Variants in GABRG1 observed in about 807,000 individuals in gnomAD.
The protein encoded by GABRG1 is gamma-aminobutyric acid receptor subunit gamma-1.
In GABRG1, 49 loss-of-function variants were observed where a neutral mutation model predicts 49.8. That is an observed-to-expected ratio of 0.98 (90% confidence interval 0.78 to 1.25). The LOEUF (loss-of-function observed/expected upper bound fraction) is 1.25, where lower values mean the gene tolerates loss of function less well. GABRG1 is among the 50% of genes most tolerant of loss of function. The pLI, the probability that GABRG1 is intolerant of heterozygous loss-of-function variation, is 0.00. For missense variants in GABRG1, 552 were observed against 552.3 expected (o/e 1.00, Z 0.01); for synonymous variants, 232 against 185.1 (o/e 1.25, Z -2.06).
intron 3 of GABRG1, among the ~76,000 whole-genome samples, chr4:46,082,703 T>A (rs1719620157): frequency 6.6e-6 from 1 of 151,648 alleles, no homozygotes; most frequent in Admixed American, 6.6e-5. Context: ...TTGTAACTCA[T>A]TATCATTCCC....
intron 1 of GABRG1, among the ~76,000 whole-genome samples, chr4:46,109,430 A>G (rs1720653495): frequency 6.6e-6 from 1 of 150,666 alleles, no homozygotes; most frequent in African/African-American, 2.4e-5. Context: ...TTGTTAATCT[A>G]GCTTTCAGTC....
intron 1 of GABRG1, among the ~76,000 whole-genome samples, chr4:46,110,261 T>C (rs1720673953): frequency 1.3e-5 from 2 of 151,118 alleles, no homozygotes; most frequent in Non-Finnish European, 3.0e-5. Context: ...TTTATAATTA[T>C]GCAATGCCCT....
In GABRG1 at chr4:46,084,348, C is replaced by T. The variant is rs557780428; in HGVS notation, c.254-295G>A. Among the ~76,000 whole-genome samples, 15 of 151,736 alleles carry T rather than the reference C, an allele frequency of 9.9e-5. No individual in the cohort carries two copies. In the South Asian group the frequency reaches 3.1e-3, roughly 31 times the overall value. ...TTTTTAGTCATACATGCTCAGTTAT[C>T]CTTTTCAAACTTCATCTGTTTTTCC... On this transcript the variant is annotated intron_variant, in intron 2 of 8. Transcript: ENST00000295452.
At chr4:46,097,122 A>G in intron 2 of GABRG1, 79 bp downstream of exon 2, 1 of 1,235,274 alleles carries the variant, frequency 8.1e-7, no homozygotes, top group Non-Finnish European at 1.1e-6. Context: ...CTCAAGGAAT[A>G]AGAAATAATG....
chr4:46,042,936 A>G (rs1001551693), intron 8 of GABRG1, among the ~76,000 whole-genome samples: 3 of 151,932 alleles, frequency 2.0e-5, no homozygotes, highest in African/African-American at 7.2e-5. Flanking sequence ...TGTTAATGAC[A>G]GATCTTTTGA....
intron 1 of GABRG1, among the ~76,000 whole-genome samples, chr4:46,098,577 G>C (rs532852780): frequency 6.6e-6 from 1 of 151,830 alleles, no homozygotes; most frequent in Admixed American, 6.6e-5. Context: ...CTCTCAAGCT[G>C]ATTTGAATTG....
In GABRG1 at chr4:46,048,270, C is replaced by T. The variant is rs543813652; in HGVS notation, c.1131+3154G>A. On this transcript the variant is annotated intron_variant, in intron 8 of 8. Coordinates refer to ENST00000295452, the MANE Select transcript of GABRG1 (RefSeq NM_173536.4). ...AAATACACCTGAATTATATACTTGC[C>T]GATTAGTAATAATATATATTGGATG... 1.5e-4 allele frequency among the ~76,000 whole-genome samples: 22 copies of T among 151,642 alleles called. No individual in the cohort carries two copies. The South Asian group carries it at 3.3e-3, about 23-fold the overall frequency.
chr4:46,093,242 A>G (rs1720055505), intron 2 of GABRG1, among the ~76,000 whole-genome samples: 1 of 152,084 alleles, frequency 6.6e-6, no homozygotes, highest in Non-Finnish European at 1.5e-5. Flanking sequence ...AAAATTTGGT[A>G]TATGTATACA....
chr4:46,090,955 TACACACACACACACAC>T (rs61288916), intron 2 of GABRG1, among the ~76,000 whole-genome samples: 10 of 131,174 alleles, frequency 7.6e-5, no homozygotes, highest in East Asian at 4.6e-4. Context: ...CACACACACA[TACACACACACACACAC>T]ACACACACAC....
intron 8 of GABRG1, among the ~76,000 whole-genome samples, chr4:46,048,274 T>A (rs2109395116): frequency 6.6e-6 from 1 of 152,030 alleles, no homozygotes; most frequent in South Asian, 2.1e-4. Context: ...ACTTGCCGAT[T>A]AGTAATAATA....
At chr4:46,063,157 G>A (rs1359623999) in intron 5 of GABRG1, among the ~76,000 whole-genome samples, 7 of 151,748 alleles carry the variant, frequency 4.6e-5, no homozygotes, top group African/African-American at 1.7e-4. Flanking sequence ...TCACAGAATT[G>A]GAAAAAACTA....
At chr4:46,045,078 A>G (rs1173417742) in intron 8 of GABRG1, among the ~76,000 whole-genome samples, 1 of 152,110 alleles carries the variant, frequency 6.6e-6, no homozygotes, top group African/African-American at 2.4e-5. Flanking sequence ...GGGAACAATC[A>G]TGAAGAAGTT....
intron 8 of GABRG1, among the ~76,000 whole-genome samples, chr4:46,048,680 A>AAAGGG (rs1417704448): frequency 6.6e-6 from 1 of 151,344 alleles, no homozygotes; most frequent in Non-Finnish European, 1.5e-5. Flanking sequence ...GGAAGGAAGG[A>AAAGGG]AAGGGAAGGG....
intron 2 of GABRG1, among the ~76,000 whole-genome samples, chr4:46,087,290 T>C (rs1719805621): frequency 1.3e-5 from 2 of 151,696 alleles, no homozygotes; most frequent in South Asian, 4.1e-4. Context: ...GAATACGTTA[T>C]TGAGACAATT....
chr4:46,063,869 G>C (rs1215545155), intron 5 of GABRG1, among the ~76,000 whole-genome samples: 1 of 152,070 alleles, frequency 6.6e-6, no homozygotes, highest in East Asian at 1.9e-4. Flanking sequence ...AGTGGGCAAA[G>C]GATAAGAATA....
chr4:46,079,999 C>T (rs78021301), intron 3 of GABRG1, among the ~76,000 whole-genome samples: 2,740 of 151,988 alleles, frequency 0.018, 92 homozygotes, highest in African/African-American at 0.062. Context: ...TGAACAGCTT[C>T]TTTCCAAGTT....
At chr4:46,073,383 T>A (rs570563873) in intron 3 of GABRG1, among the ~76,000 whole-genome samples, 16 of 152,034 alleles carry the variant, frequency 1.1e-4, no homozygotes, top group Non-Finnish European at 2.2e-4. Flanking sequence ...TTTAAACTCT[T>A]TACCGTAACT....
At chr4:46,090,945 C>CAG (rs1374787591) in intron 2 of GABRG1, among the ~76,000 whole-genome samples, 25 of 139,638 alleles carry the variant, frequency 1.8e-4, no homozygotes, top group African/African-American at 6.7e-4. Flanking sequence ...CACACACACA[C>CAG]ACACACACAT....
At chr4:46,104,145 A>T (rs1358737646) in intron 1 of GABRG1, among the ~76,000 whole-genome samples, 2 of 151,450 alleles carry the variant, frequency 1.3e-5, no homozygotes, top group African/African-American at 2.4e-5. Flanking sequence ...TTATATTCAC[A>T]TGTGAAATGA....
Sources: allele counts gnomAD v4.1 joint callset (sites outside exome capture counted in the v4.1 genomes callset), GRCh38; gene constraint gnomAD v4.1.1; transcripts MANE v1.5; gene names NCBI Gene and HGNC (gene_info 2026-07-23, HGNC 2026-07-21).